MAMDC2: variants seen among roughly 807,000 people sequenced by gnomAD.
MAMDC2 encodes the protein MAM domain containing 2, also known as MAM domain-containing protein 2.
MAMDC2 carries 57 observed loss-of-function variants against 89.8 expected under a neutral mutation model. That is an observed-to-expected ratio of 0.63 (90% CI 0.51 to 0.79). The LOEUF (loss-of-function observed/expected upper bound fraction) is 0.79. Among genes scored for constraint, MAMDC2 ranks in the 30% least tolerant of loss-of-function variants. MAMDC2 has a pLI of 0.00. For synonymous variants in MAMDC2, 313 were observed against 293.4 expected (o/e 1.07, Z -0.68); for missense variants, 800 against 820.6 (o/e 0.97, Z 0.31).
At chr9:70,099,451 C>T (rs543329068) in intron 2 of MAMDC2, among the ~76,000 whole-genome samples, 4 of 152,282 alleles carry the variant, frequency 2.6e-5, no homozygotes, top group Non-Finnish European at 4.4e-5. Context: ...TCCACAGAGG[C>T]ATCTTCTCTC....
chr9:70,108,209 A>T lies in MAMDC2; in HGVS notation c.149-2A>T. 1.9e-6 allele frequency: 3 copies of T among 1,571,644 alleles called. No individual in the cohort carries two copies. The highest frequency in any genetic ancestry group is 2.6e-6 in the Non-Finnish European group (3 of 1,160,662). ...TTTTCCTATGTTCCTTTCTCTTTCCAGGCCATTACATTTATGTGGATACCT... is the reference window on the plus strand; with the variant it reads ...TTTTCCTATGTTCCTTTCTCTTTCCTGGCCATTACATTTATGTGGATACCT... On this transcript the variant is annotated splice_acceptor_variant, in intron 2 of 13. Coordinates refer to ENST00000377182, the MANE Select transcript of MAMDC2 (RefSeq NM_153267.5). LOFTEE classifies it high-confidence loss of function.
At position 70,196,655 on chromosome 9, in the gene MAMDC2, T is replaced by C. The variant is rs2032979571; in HGVS notation, c.1652-21682T>C. ...TACCTTTCCAGCAGAGTTGAAGAAA[T>C]AATTAGAAAGGATGCCATCTAAAGC... On this transcript the variant is annotated intron_variant, in intron 11 of 13. Transcript: ENST00000377182. Among the ~76,000 whole-genome samples, 3 of 152,016 alleles carry C rather than the reference T, an allele frequency of 2.0e-5. No homozygotes were observed. In the South Asian group the frequency reaches 6.2e-4, roughly 31 times the overall value.
At chr9:70,223,730 T>C (rs1472714288) in intron 12 of MAMDC2, among the ~76,000 whole-genome samples, 1 of 152,228 alleles carries the variant, frequency 6.6e-6, no homozygotes, top group East Asian at 1.9e-4. Context: ...TCTTATTTAA[T>C]CCTACATTTG....
intron 7 of MAMDC2, among the ~76,000 whole-genome samples, chr9:70,135,489 C>G (rs1336085138): frequency 6.6e-6 from 1 of 152,102 alleles, no homozygotes; most frequent in African/African-American, 2.4e-5. Flanking sequence ...TTTTATCAGA[C>G]CTCCTCAAGA....
intron 12 of MAMDC2, among the ~76,000 whole-genome samples, chr9:70,221,380 T>TATATATATATATATAGAGAGAG: frequency 4.3e-4 from 3 of 7,042 alleles, no homozygotes; most frequent in South Asian, 0.016. Context: ...TATATATATA[T>TATATATATATATATAGAGAGAG]AGAGAGAGAG....
intron 2 of MAMDC2, among the ~76,000 whole-genome samples, chr9:70,060,117 G>A (rs555278648): frequency 2.0e-4 from 30 of 152,124 alleles, no homozygotes; most frequent in Non-Finnish European, 3.8e-4. Flanking sequence ...TTAATTATTT[G>A]TTCATTGTCT....
chr9:70,187,236 A>T (rs1211854713), intron 11 of MAMDC2, among the ~76,000 whole-genome samples: 1 of 151,976 alleles, frequency 6.6e-6, no homozygotes, highest in Non-Finnish European at 1.5e-5. Context: ...AAAAGTTCTT[A>T]CTATGTATTA....
chr9:70,124,753 T>A (rs1443678924), intron 5 of MAMDC2, among the ~76,000 whole-genome samples: 1 of 152,226 alleles, frequency 6.6e-6, no homozygotes, highest in Non-Finnish European at 1.5e-5. Context: ...TCACCCAGGC[T>A]GGAGTACAGT....
intron 4 of MAMDC2, among the ~76,000 whole-genome samples, chr9:70,112,294 C>A (rs963770697): frequency 1.3e-5 from 2 of 152,140 alleles, no homozygotes; most frequent in African/African-American, 4.8e-5. Context: ...TGCAAACATG[C>A]CAATGACACT....
chr9:70,214,711 G>A (rs532123705), intron 11 of MAMDC2, among the ~76,000 whole-genome samples: 1 of 152,310 alleles, frequency 6.6e-6, no homozygotes, highest in African/African-American at 2.4e-5. Flanking sequence ...TTGGACCAGG[G>A]TGATAGCAGT....
At chr9:70,077,631 T>C (rs1233516182) in intron 2 of MAMDC2, among the ~76,000 whole-genome samples, 1 of 152,246 alleles carries the variant, frequency 6.6e-6, no homozygotes, top group Non-Finnish European at 1.5e-5. Context: ...TTCTGAACTC[T>C]ACCTTCATGA....
chr9:70,159,987 A>G (rs964946366), intron 9 of MAMDC2, among the ~76,000 whole-genome samples: 1 of 142,814 alleles, frequency 7.0e-6, no homozygotes, highest in Non-Finnish European at 1.5e-5. Flanking sequence ...TGAGGCAGAC[A>G]GATCACTTGA....
intron 2 of MAMDC2, among the ~76,000 whole-genome samples, chr9:70,070,057 C>T (rs1200484644): frequency 6.6e-6 from 1 of 152,188 alleles, no homozygotes; most frequent in Non-Finnish European, 1.5e-5. Context: ...TGTATTTTCA[C>T]TGTGCATTGT....
chr9:70,138,839 C>A (rs17088840), intron 7 of MAMDC2, among the ~76,000 whole-genome samples: 10,434 of 152,028 alleles, frequency 0.069, 566 homozygotes, highest in East Asian at 0.22. Flanking sequence ...TTGACCTGCA[C>A]AATTTAAACT....
rs140030249 is a variant in MAMDC2 at position 70,205,803 on chromosome 9, G to A, written c.1652-12534G>A. 3.9e-3 allele frequency among the ~76,000 whole-genome samples: 598 copies of A among 152,132 alleles called. 3 individuals are homozygous for A. The highest frequency in any genetic ancestry group is 0.013 in the African/African-American group (554 of 41,514). On this transcript the variant is annotated intron_variant, in intron 11 of 13. Coordinates refer to ENST00000377182, the MANE Select transcript of MAMDC2 (RefSeq NM_153267.5). The stretch of plus-strand genomic sequence containing the variant: ...AGCTGGTCTGAAGCTTCAATACTGG[G>A]GCTTCCTGGCTCCCATCCAGAGCTT...
rs577340971 is a variant in MAMDC2, at chr9:70,190,674, T to G, written c.1651+20043T>G. Among the ~76,000 whole-genome samples the G allele has an allele frequency of 2.0e-5, 3 of 152,262 alleles. No homozygotes were observed. In the South Asian group the frequency reaches 6.2e-4, roughly 32 times the overall value. On this transcript the variant is annotated intron_variant, in intron 11 of 13. Coordinates refer to ENST00000377182, the MANE Select transcript of MAMDC2 (RefSeq NM_153267.5). ...CCCTACAGATATCTCATTCCCCAAT[T>G]TTTTTCTTTTATTTTTGGTCAGCCT...
intron 2 of MAMDC2, among the ~76,000 whole-genome samples, chr9:70,079,973 G>T (rs1827617833): frequency 6.6e-6 from 1 of 152,134 alleles, no homozygotes; most frequent in African/African-American, 2.4e-5. Flanking sequence ...AAGTGTTATT[G>T]CAAAATACTA....
intron 2 of MAMDC2, among the ~76,000 whole-genome samples, chr9:70,095,624 G>T (rs980518141): frequency 1.3e-5 from 2 of 152,196 alleles, no homozygotes; most frequent in Admixed American, 6.5e-5. Flanking sequence ...GCATGTCCAT[G>T]TGGAGATGCC....
At chr9:70,214,042 C>T (rs987681395) in intron 11 of MAMDC2, among the ~76,000 whole-genome samples, 4 of 152,092 alleles carry the variant, frequency 2.6e-5, no homozygotes, top group Non-Finnish European at 5.9e-5. Context: ...TACTATGTTC[C>T]AAGCACTGTT....
Sources: allele counts gnomAD v4.1 joint callset (sites outside exome capture counted in the v4.1 genomes callset), GRCh38; gene constraint gnomAD v4.1.1; transcripts MANE v1.5; gene names NCBI Gene and HGNC (gene_info 2026-07-23, HGNC 2026-07-21).